The following TSPAN18 variants were observed in gnomAD, a reference collection of about 807,000 sequenced individuals.
TSPAN18 encodes the protein tetraspanin-18.
A neutral mutation model predicts 27.3 loss-of-function variants in TSPAN18; 14 were observed. That is an observed-to-expected ratio of 0.51 (90% CI 0.34 to 0.80). TSPAN18 has a LOEUF of 0.80. TSPAN18 is among the 30% of genes least tolerant of loss of function. The pLI is 0.01. For missense variants in TSPAN18, 268 were observed against 323.9 expected, an observed-to-expected ratio of 0.83 and a Z score of 1.32; for synonymous variants, 143 against 136.5, an observed-to-expected ratio of 1.05 and a Z score of -0.33.
intron 2 of TSPAN18, among the ~76,000 whole-genome samples, chr11:44,796,000 A>G (rs1778996657): frequency 6.6e-6 from 1 of 151,926 alleles, no homozygotes; most frequent in South Asian, 2.1e-4. Context: ...TGCACTTTCT[A>G]TTCCTTTTTT....
intron 2 of TSPAN18, among the ~76,000 whole-genome samples, chr11:44,833,120 G>C (rs1289309776): frequency 6.6e-6 from 1 of 150,612 alleles, no homozygotes; most frequent in Non-Finnish European, 1.5e-5. Context: ...AAAGCCTGTG[G>C]TCTGCCCCTT....
At chr11:44,867,076 G>T (rs1388656541) in intron 3 of TSPAN18, among the ~76,000 whole-genome samples, 1 of 152,168 alleles carries the variant, frequency 6.6e-6, no homozygotes, top group African/African-American at 2.4e-5. Context: ...ACCTCAAGTT[G>T]CTCAGGGTTT....
At chr11:44,730,307 G>A (rs1028549236) in intron 1 of TSPAN18, among the ~76,000 whole-genome samples, 2 of 152,186 alleles carry the variant, frequency 1.3e-5, no homozygotes, top group Admixed American at 6.5e-5. Flanking sequence ...CTTGGGAAGA[G>A]CCCTTTCAGT....
At chr11:44,779,934 T>C (rs748404618) in intron 2 of TSPAN18, among the ~76,000 whole-genome samples, 26 of 152,180 alleles carry the variant, frequency 1.7e-4, no homozygotes, top group Non-Finnish European at 3.1e-4. Flanking sequence ...CACACATACC[T>C]GTGTATACCT....
At chr11:44,823,259 C>T (rs1442988259) in intron 2 of TSPAN18, among the ~76,000 whole-genome samples, 1 of 152,160 alleles carries the variant, frequency 6.6e-6, no homozygotes, top group Non-Finnish European at 1.5e-5. Flanking sequence ...TTTGGTGGTT[C>T]TGGAACTCTT....
At chr11:44,909,659 C>T (rs768189340) in intron 4 of TSPAN18, 46 bp from the exon 5 acceptor site, 1 of 1,576,814 alleles carries the variant, frequency 6.3e-7, no homozygotes, top group South Asian at 1.1e-5. Context: ...GCCTAACCTC[C>T]CTTTCTGCCT....
intron 2 of TSPAN18, among the ~76,000 whole-genome samples, chr11:44,776,271 G>A (rs1855805736): frequency 6.6e-6 from 1 of 152,210 alleles, no homozygotes; most frequent in East Asian, 1.9e-4. Flanking sequence ...GGTCCACTTG[G>A]GGAAAGATTG....
intron 3 of TSPAN18, among the ~76,000 whole-genome samples, chr11:44,867,782 G>A (rs1056162793): frequency 6.6e-6 from 1 of 152,190 alleles, no homozygotes; most frequent in African/African-American, 2.4e-5. Context: ...ATCAGCACAT[G>A]CAAAGTCCCT....
chr11:44,831,553 C>G (rs1857153717), intron 2 of TSPAN18, among the ~76,000 whole-genome samples: 1 of 152,172 alleles, frequency 6.6e-6, no homozygotes, highest in African/African-American at 2.4e-5. Flanking sequence ...TTTACACGGC[C>G]CCTTCACCAC....
At chr11:44,859,696 T>C (rs1857826733) in intron 2 of TSPAN18, 1 of 152,348 alleles carries the variant, frequency 6.6e-6, no homozygotes, top group Non-Finnish European at 1.5e-5. Flanking sequence ...AACAGGCTCC[T>C]GCTATGCTCC....
At chr11:44,780,536 G>T (rs950378637) in intron 2 of TSPAN18, among the ~76,000 whole-genome samples, 1 of 152,236 alleles carries the variant, frequency 6.6e-6, no homozygotes, top group African/African-American at 2.4e-5. Context: ...TATGGCCTTT[G>T]CCCTGACAAA....
chr11:44,749,365 CT>C (rs1017612648), intron 1 of TSPAN18, among the ~76,000 whole-genome samples: 1 of 152,180 alleles, frequency 6.6e-6, no homozygotes, highest in Admixed American at 6.5e-5. Context: ...TATGTCAGCT[CT>C]TTTTGTGGTT....
At chr11:44,875,095 C>T (rs896269521) in intron 3 of TSPAN18, among the ~76,000 whole-genome samples, 1 of 152,250 alleles carries the variant, frequency 6.6e-6, no homozygotes, top group Non-Finnish European at 1.5e-5. Context: ...CTTGGACCAG[C>T]CCCTTGCAGA....
At chr11:44,788,547 T>C (rs1311172139) in intron 2 of TSPAN18, among the ~76,000 whole-genome samples, 3 of 148,312 alleles carry the variant, frequency 2.0e-5, no homozygotes, top group Non-Finnish European at 4.4e-5. Context: ...AACCTCTGAC[T>C]CCCTGGTTCA....
At chr11:44,730,279 G>T (rs1280559697) in intron 1 of TSPAN18, among the ~76,000 whole-genome samples, 1 of 152,206 alleles carries the variant, frequency 6.6e-6, no homozygotes, top group Non-Finnish European at 1.5e-5. Flanking sequence ...TTAGTCTGCA[G>T]GCTCGCTCCC....
At chr11:44,890,070 T>C (rs1158129412) in intron 3 of TSPAN18, among the ~76,000 whole-genome samples, 1 of 152,216 alleles carries the variant, frequency 6.6e-6, no homozygotes, top group Non-Finnish European at 1.5e-5. Flanking sequence ...GTGCACATGG[T>C]CCCATTTGCT....
At chr11:44,860,213 T>G (rs916468894) in intron 2 of TSPAN18, 115 bp from the exon 3 acceptor site, 2 of 152,196 alleles carry the variant, frequency 1.3e-5, no homozygotes, top group African/African-American at 4.8e-5. Flanking sequence ...TGCAGGCTCC[T>G]GCAGTCTTGG....
At chr11:44,782,742 T>C (rs531662687) in intron 2 of TSPAN18, among the ~76,000 whole-genome samples, 1 of 152,324 alleles carries the variant, frequency 6.6e-6, no homozygotes, top group South Asian at 2.1e-4. Flanking sequence ...GGTTTTAATT[T>C]GTACTTCCCT....
intron 3 of TSPAN18, chr11:44,897,695 G>C: frequency 8.6e-7 from 1 of 1,163,136 alleles, no homozygotes; most frequent in Non-Finnish European, 1.1e-6. Context: ...CTCCTTTCAT[G>C]GGGCTGCTCT....
Sources: allele counts gnomAD v4.1 joint callset (sites outside exome capture counted in the v4.1 genomes callset), GRCh38; gene constraint gnomAD v4.1.1; transcripts MANE v1.5; gene names NCBI Gene and HGNC (gene_info 2026-07-23, HGNC 2026-07-21).